The following PLEKHG5 variants were observed in gnomAD, a reference collection of about 807,000 sequenced individuals.
The protein encoded by PLEKHG5 is pleckstrin homology domain-containing family G member 5.
PLEKHG5 carries 52 observed loss-of-function variants against 103.8 expected under a neutral mutation model. That is an observed-to-expected ratio of 0.50 (90% CI 0.40 to 0.63). The LOEUF (loss-of-function observed/expected upper bound fraction) is 0.63, where lower values mean the gene tolerates loss of function less well. Among genes scored for constraint, PLEKHG5 ranks in the 30% least tolerant of loss-of-function variants. PLEKHG5 has a pLI of 0.00. For synonymous variants in PLEKHG5, 592 were observed against 575.5 expected (o/e 1.03, Z -0.41); for missense variants, 1,205 against 1,347.6 (o/e 0.89, Z 1.66).
chr1:6,480,956 G>A (rs75125739), intron 1 of PLEKHG5, among the ~76,000 whole-genome samples: 8,411 of 152,074 alleles, frequency 0.055, 775 homozygotes, highest in African/African-American at 0.18. Context: ...TCAGCTTGGG[G>A]TCACTCTTGA....
chr1:6,496,392 C>G (rs978957003), upstream of PLEKHG5: 2 of 905,254 alleles, frequency 2.2e-6, no homozygotes, highest in Admixed American at 2.2e-5. Context: ...CAGCCGCGCC[C>G]GTGCCAGGGC....
chr1:6,514,604 T>C (rs541256109), intron 1 of PLEKHG5, among the ~76,000 whole-genome samples: 44 of 148,656 alleles, frequency 3.0e-4, no homozygotes, highest in African/African-American at 1.1e-3. Flanking sequence ...CTACTAAAAA[T>C]ACAAAAATTA....
chr1:6,497,126 CGGGG>C, upstream of PLEKHG5: 10 of 1,208,980 alleles, frequency 8.3e-6, no homozygotes, highest in Non-Finnish European at 1.0e-5. This position sits in a 1 kb window ranked among gnomAD's most constrained non-coding sequence, Gnocchi z 6.1. Flanking sequence ...CAGCGAGAGG[CGGGG>C]GGAGGGAGGA....
chr1:6,519,503 T>A (rs747482923), exon 1 of PLEKHG5: 1 of 1,613,884 alleles, frequency 6.2e-7, no homozygotes, highest in Non-Finnish European at 8.5e-7. Flanking sequence ...TTGTCAGGAC[T>A]GAATTCATGC....
chr1:6,504,894 G>C (rs1011995711), intron 1 of PLEKHG5, among the ~76,000 whole-genome samples: 6 of 152,048 alleles, frequency 3.9e-5, no homozygotes, highest in Admixed American at 3.3e-4. Flanking sequence ...AAAACCCTTC[G>C]CTGTATGGTC....
At chr1:6,474,627 G>A (rs367856653) in intron 5 of PLEKHG5, 40 bp from the exon 6 acceptor site, 46 of 1,609,800 alleles carry the variant, frequency 2.9e-5, no homozygotes, top group Middle Eastern at 1.7e-4. Flanking sequence ...AGAACCAGGC[G>A]GCCAGTCGCT....
At position 6,468,004 on chromosome 1, in the gene PLEKHG5, G is replaced by A; in HGVS notation, c.2832C>T (p.Cys944=). 1 of 1,553,412 alleles carries A rather than the reference G, an allele frequency of 6.4e-7. No individual in the cohort carries two copies. Residue 944 remains cysteine, a synonymous_variant, in exon 20 of 21, where the codon TGC becomes TGT. Transcript: ENST00000377728. ...SPGSGPGLVG[C]LAGEPAGSHR... Reference sequence around the variant, plus strand: ...GGGAGCCTGCAGGTTCCCCGGCCAGGCAGCCGACTAGCCCAGGACCGCTGC... The same window carrying A: ...GGGAGCCTGCAGGTTCCCCGGCCAGACAGCCGACTAGCCCAGGACCGCTGC...
chr1:6,500,557 C>G (rs1645285567), upstream of PLEKHG5, among the ~76,000 whole-genome samples: 1 of 151,318 alleles, frequency 6.6e-6, no homozygotes, highest in Admixed American at 6.6e-5. Flanking sequence ...CCCTGAACCT[C>G]CCCTCCAGGC....
intron 5 of PLEKHG5, 27 bp from the exon 6 acceptor site, chr1:6,474,614 G>A (rs373834776): frequency 1.9e-5 from 30 of 1,612,168 alleles, no homozygotes; most frequent in South Asian, 1.1e-5. Context: ...AGGCATGTGT[G>A]TTAGAACCAG....
intron 1 of PLEKHG5, among the ~76,000 whole-genome samples, chr1:6,481,450 G>C (rs1309212538): frequency 6.6e-6 from 1 of 152,046 alleles, no homozygotes; most frequent in African/African-American, 2.4e-5. Context: ...AGAATCGCTT[G>C]AATACGGGAG....
chr1:6,491,707 C>T (rs201297160), upstream of PLEKHG5: 4 of 985,222 alleles, frequency 4.1e-6, no homozygotes, highest in East Asian at 3.4e-4. The surrounding 1 kb of genome is among the most constrained non-coding windows in gnomAD (Gnocchi z 4.1). Flanking sequence ...ATCTCACCAC[C>T]CCTCCCTCCA....
At chr1:6,518,597 A>G (rs1333253339) in intron 1 of PLEKHG5, among the ~76,000 whole-genome samples, 1 of 152,022 alleles carries the variant, frequency 6.6e-6, no homozygotes, top group Non-Finnish European at 1.5e-5. Flanking sequence ...AAGAAAAGAA[A>G]ATATGGATGT....
At chr1:6,480,564 G>A (rs1281104729) in intron 1 of PLEKHG5, among the ~76,000 whole-genome samples, 1 of 151,606 alleles carries the variant, frequency 6.6e-6, no homozygotes, top group African/African-American at 2.4e-5. Context: ...GGTGATGTGA[G>A]CTTGCGGTCC....
chr1:6,502,241 G>GTCAC, intron 1 of PLEKHG5, among the ~76,000 whole-genome samples: 1 of 152,384 alleles, frequency 6.6e-6, no homozygotes, highest in East Asian at 1.9e-4. Flanking sequence ...TGGTTGGAGC[G>GTCAC]TCACTGGAGG....
chr1:6,471,450 G>A (rs759706090), intron 12 of PLEKHG5, 38 bp downstream of exon 12: 1 of 1,594,990 alleles, frequency 6.3e-7, no homozygotes, highest in Admixed American at 1.7e-5. Flanking sequence ...CCCCAGCCCT[G>A]CCTCAGTGCC....
At chr1:6,508,743 A>G (rs529288397) in intron 1 of PLEKHG5, among the ~76,000 whole-genome samples, 120 of 152,330 alleles carry the variant, frequency 7.9e-4, no homozygotes, top group Non-Finnish European at 1.5e-3. Context: ...TCCACTTACC[A>G]TGGCCCAATG....
At position 6,470,249 on chromosome 1, in the gene PLEKHG5, C is replaced by G; in HGVS notation, c.1787G>C (p.Gly596Ala). 1.2e-6 allele frequency: 2 copies of G among 1,614,016 alleles called. No homozygotes were observed. The highest frequency in any genetic ancestry group is 1.7e-5 in the Admixed American group (1 of 60,026). Residue 596 changes from glycine (G) to alanine (A), a missense_variant, in exon 16 of 21, where the codon GGG becomes GCG. Transcript: ENST00000377728. Reference sequence around the variant, plus strand: ...CCCTGGAATCACCTTGCTGTCCTTCCCCTCCTTCATCCTCAGGCTCCCCTC... The same window carrying G: ...CCCTGGAATCACCTTGCTGTCCTTCGCCTCCTTCATCCTCAGGCTCCCCTC... Reference protein sequence around the residue: ...LLEGSLRMKEGKDSKMDVYCF... With the variant: ...LLEGSLRMKEAKDSKMDVYCF...
At chr1:6,474,202 G>C (rs373098041) in intron 6 of PLEKHG5, 38 bp from the exon 7 acceptor site, 1 of 1,610,332 alleles carries the variant, frequency 6.2e-7, no homozygotes, top group Non-Finnish European at 8.5e-7. Flanking sequence ...CAGTACCCTG[G>C]TCTGGTGGAG....
rs372404149 is a variant in PLEKHG5, at chr1:6,505,873, C to T, written c.-164-9304G>A. Among the ~76,000 whole-genome samples the T allele has an allele frequency of 3.3e-5, 5 of 152,218 alleles. No homozygotes were observed. Among genetic ancestry groups the T allele is most frequent in the African/African-American group, 7.2e-5 (3 of 41,462 alleles). On this transcript the variant is annotated intron_variant, in intron 1 of 21. Coordinates refer to the PLEKHG5 transcript ENST00000377740. This position sits in a 1 kb window ranked among gnomAD's most constrained non-coding sequence, Gnocchi z 4.2. ...ATTTCCGGGTCCTCTCCTGCACCAGCGGCAGCTCTCAGGAGTGGCTCTGGC... is the reference window on the plus strand; with the variant it reads ...ATTTCCGGGTCCTCTCCTGCACCAGTGGCAGCTCTCAGGAGTGGCTCTGGC...
Sources: allele counts gnomAD v4.1 joint callset (sites outside exome capture counted in the v4.1 genomes callset), GRCh38; gene constraint gnomAD v4.1.1; non-coding constraint Gnocchi (gnomAD v3.1); transcripts MANE v1.5; gene names NCBI Gene and HGNC (gene_info 2026-07-23, HGNC 2026-07-21).